Variants in SHMT1 observed in about 807,000 individuals in gnomAD.
SHMT1 encodes the protein serine hydroxymethyltransferase, cytosolic.
SHMT1 carries 45 observed loss-of-function variants against 49.0 expected under a neutral mutation model. That is an observed-to-expected ratio of 0.92 (90% CI 0.72 to 1.18). The LOEUF (loss-of-function observed/expected upper bound fraction) is 1.18. Among genes scored for constraint, SHMT1 ranks in the 50% most tolerant of loss-of-function variants. The pLI, the probability that SHMT1 is intolerant of heterozygous loss-of-function variation, is 0.00. For missense variants in SHMT1, 541 were observed against 612.4 expected, an observed-to-expected ratio of 0.88 and a Z score of 1.23; for synonymous variants, 232 against 246.6, an observed-to-expected ratio of 0.94 and a Z score of 0.55.
chr17:18,356,058 A>G, intron 1 of SHMT1, 58 bp from the exon 2 acceptor site: 1 of 846,430 alleles, frequency 1.2e-6, no homozygotes, highest in South Asian at 1.7e-5. Context: ...TATTTTATTT[A>G]TTTTTTATTT....
At chr17:18,332,221 G>A (rs2151565338) in intron 9 of SHMT1, 1 of 152,398 alleles carries the variant, frequency 6.6e-6, no homozygotes, top group African/African-American at 2.4e-5. Context: ...AGACATGGAG[G>A]ATGAAGGGAG....
At chr17:18,351,314 T>G (rs569138718) in intron 3 of SHMT1, among the ~76,000 whole-genome samples, 1 of 151,750 alleles carries the variant, frequency 6.6e-6, no homozygotes, top group Admixed American at 6.5e-5. Context: ...CTAATTTTTT[T>G]GTATTTTTTT....
intron 3 of SHMT1, chr17:18,348,662 A>G (rs1012309149): frequency 4.5e-6 from 3 of 664,676 alleles, no homozygotes; most frequent in Admixed American, 3.6e-5. Flanking sequence ...AACTTGGAGC[A>G]AATATCTCAT....
chr17:18,348,119 C>T, intron 4 of SHMT1: 1 of 576,236 alleles, frequency 1.7e-6, no homozygotes, highest in Admixed American at 2.6e-5. Context: ...CGGGTTTCTC[C>T]ATGTTGGTCA....
At chr17:18,344,887 C>T (rs1984921988) in intron 5 of SHMT1, among the ~76,000 whole-genome samples, 1 of 152,158 alleles carries the variant, frequency 6.6e-6, no homozygotes, top group Non-Finnish European at 1.5e-5. Flanking sequence ...GCGTGGGGCT[C>T]TTGCAGTGGA....
chr17:18,353,871 G>T, intron 2 of SHMT1, 54 bp from the exon 3 acceptor site: 1 of 1,547,614 alleles, frequency 6.5e-7, no homozygotes, highest in Non-Finnish European at 8.9e-7. Flanking sequence ...TTAAAATTTT[G>T]CTCTGATCCA....
chr17:18,334,981 C>T (rs1983634435), intron 8 of SHMT1, among the ~76,000 whole-genome samples: 1 of 152,232 alleles, frequency 6.6e-6, no homozygotes, highest in Non-Finnish European at 1.5e-5. Context: ...TCATCCTGAG[C>T]CCCTTAGCGG....
At chr17:18,331,251 CTTGG>C in intron 9 of SHMT1, 1 of 209,450 alleles carries the variant, frequency 4.8e-6, no homozygotes, top group Non-Finnish European at 9.8e-6. Flanking sequence ...GGGGTAGTGC[CTTGG>C]GTGCTGACAG....
chr17:18,333,041 C>T (rs889749114), intron 9 of SHMT1, 125 bp downstream of exon 9: 9 of 1,275,520 alleles, frequency 7.1e-6, no homozygotes, highest in Non-Finnish European at 9.0e-6. Context: ...GACCTCCTCC[C>T]AAGGTGGGCC....
chr17:18,335,788 C>A, intron 7 of SHMT1, 113 bp from the exon 8 acceptor site: 1 of 824,040 alleles, frequency 1.2e-6, no homozygotes, highest in Admixed American at 1.7e-5. Flanking sequence ...GGCCTTTATC[C>A]TGGCATGGAG....
chr17:18,360,935 C>T (rs1476521322), intron 1 of SHMT1, among the ~76,000 whole-genome samples: 3 of 152,054 alleles, frequency 2.0e-5, no homozygotes, highest in Non-Finnish European at 2.9e-5. Flanking sequence ...TTTGGGAGGC[C>T]GAGGTGGGTG....
intron 5 of SHMT1, among the ~76,000 whole-genome samples, chr17:18,342,700 C>A (rs1247205109): frequency 6.6e-6 from 1 of 151,758 alleles, no homozygotes; most frequent in Non-Finnish European, 1.5e-5. Context: ...CTTTGGGAGG[C>A]CGAGGCAGGT....
chr17:18,354,652 AT>A, intron 2 of SHMT1, among the ~76,000 whole-genome samples: 1 of 152,242 alleles, frequency 6.6e-6, no homozygotes, highest in East Asian at 1.9e-4. Context: ...GTCCCACCTA[AT>A]TTTTAACACC....
intron 8 of SHMT1, among the ~76,000 whole-genome samples, chr17:18,333,959 G>A (rs1332089872): frequency 6.6e-6 from 1 of 151,550 alleles, no homozygotes; most frequent in Non-Finnish European, 1.5e-5. Context: ...TTTTTTGAGA[G>A]ATGGAGTCTC....
At chr17:18,329,984 C>A (rs780954217) in intron 10 of SHMT1, among the ~76,000 whole-genome samples, 4 of 150,742 alleles carry the variant, frequency 2.7e-5, no homozygotes, top group Non-Finnish European at 4.4e-5. Context: ...GCCTCAGCCT[C>A]CTGAGTAGCT....
At chr17:18,334,252 A>T (rs1983553980) in intron 8 of SHMT1, among the ~76,000 whole-genome samples, 1 of 151,682 alleles carries the variant, frequency 6.6e-6, no homozygotes. Context: ...ACGCCTGGCT[A>T]ATTTTTTATG....
chr17:18,358,030 A>AT (rs546828203), intron 1 of SHMT1, among the ~76,000 whole-genome samples: 34 of 144,614 alleles, frequency 2.4e-4, no homozygotes, highest in African/African-American at 4.0e-4. Context: ...TGCCTGGCTA[A>AT]TTTTTTTTTT....
At position 18,330,570 on chromosome 17, in the gene SHMT1, T is replaced by C; in HGVS notation, c.1156A>G (p.Lys386Glu). The change falls in exon 10 of 12, where the codon AAG becomes GAG. Residue 386 changes from lysine (K) to glutamate (E), a missense_variant. Physicochemically the swap from Lys to Glu is moderately conservative, Grantham distance 56. Transcript: ENST00000316694. ...TGATTCTCACCTGGACAGGTGTTCT[T>C]GTTGCAGGCAATAGAACAGGCTTCT... ...VLEACSIACN[K>E]NTCPGDRSAL... is the part of the protein sequence containing the mutation. 2 of 1,609,898 alleles carry C rather than the reference T, an allele frequency of 1.2e-6. No individual in the cohort carries two copies. The highest frequency in any genetic ancestry group is 1.7e-6 in the Non-Finnish European group (2 of 1,176,100).
At chr17:18,329,683 CA>C (rs1269574540) in intron 10 of SHMT1, among the ~76,000 whole-genome samples, 8 of 152,172 alleles carry the variant, frequency 5.3e-5, no homozygotes, top group African/African-American at 1.9e-4. Context: ...ATTTTGTTAA[CA>C]ACCCACAGAG....
Sources: allele counts gnomAD v4.1 joint callset (sites outside exome capture counted in the v4.1 genomes callset), GRCh38; gene constraint gnomAD v4.1.1; transcripts MANE v1.5; gene names NCBI Gene and HGNC (gene_info 2026-07-23, HGNC 2026-07-21).